Variants in KCNIP4 observed in about 807,000 individuals in gnomAD.
The protein encoded by KCNIP4 is Kv channel-interacting protein 4.
In KCNIP4, 12 loss-of-function variants were observed where a neutral mutation model predicts 34.0. The ratio of observed to expected loss-of-function variants is 0.35; its 90% CI spans 0.23 to 0.57. The LOEUF is 0.57. Among genes scored for constraint, KCNIP4 ranks in the 20% least tolerant of loss-of-function variants. KCNIP4 has a pLI of 0.83. For synonymous variants in KCNIP4, 124 were observed against 102.2 expected, an observed-to-expected ratio of 1.21 and a Z score of -1.29; for missense variants, 238 against 311.7, an observed-to-expected ratio of 0.76 and a Z score of 1.78.
rs555559968 is a variant in KCNIP4, at chr4:21,404,489, T to A, written c.62-521780A>T. ...GCCTTATGATGCCTCTGGATGTAAT[T>A]TAGATTTTGAGTATTTTTTCTATTC... is the stretch of plus-strand genomic sequence containing the variant. On this transcript the variant is annotated intron_variant, in intron 1 of 8. Coordinates refer to ENST00000382152, the MANE Select transcript of KCNIP4 (RefSeq NM_025221.6). 5.3e-5 allele frequency among the ~76,000 whole-genome samples: 8 copies of A among 152,208 alleles called. No individual in the cohort carries two copies. The South Asian group carries it at 1.7e-3, about 32-fold the overall frequency.
At position 21,789,922 on chromosome 4, in the gene KCNIP4, T is replaced by C. The variant is rs146769977; in HGVS notation, c.61+158649A>G. ...CAGTTTGCGTTTGTTTTAAAGGAAA[T>C]TGATTTGAATAGGAACCCAGAACTG... is the stretch of plus-strand genomic sequence containing the variant. On this transcript the variant is annotated intron_variant, in intron 1 of 8. Transcript: ENST00000382152. Among the ~76,000 whole-genome samples, 52 of 152,280 alleles carry C rather than the reference T, an allele frequency of 3.4e-4. 1 individual carries two copies. The East Asian group carries it at 8.5e-3, about 25-fold the overall frequency.
At chr4:21,377,032 T>C (rs999313476) in intron 1 of KCNIP4, among the ~76,000 whole-genome samples, 4 of 152,212 alleles carry the variant, frequency 2.6e-5, no homozygotes, top group Admixed American at 2.0e-4. Flanking sequence ...TTTCTTTATT[T>C]TCAGTAAGGA....
intron 1 of KCNIP4, among the ~76,000 whole-genome samples, chr4:20,898,751 A>G (rs1726835021): frequency 6.6e-6 from 1 of 152,168 alleles, no homozygotes; most frequent in African/African-American, 2.4e-5. Flanking sequence ...ATCTATCTAT[A>G]TTTATGTCTA....
At chr4:21,810,129 G>C (rs184671324) in intron 1 of KCNIP4, among the ~76,000 whole-genome samples, 1 of 152,168 alleles carries the variant, frequency 6.6e-6, no homozygotes, top group East Asian at 1.9e-4. Context: ...AGAGGGGACT[G>C]AGACCAATGG....
At chr4:21,517,122 A>G (rs1205595646) in intron 1 of KCNIP4, among the ~76,000 whole-genome samples, 1 of 152,156 alleles carries the variant, frequency 6.6e-6, no homozygotes, top group East Asian at 1.9e-4. Context: ...CTTCATGAAC[A>G]GCTGAAAAGT....
At chr4:21,218,872 C>T (rs1403554870) in intron 1 of KCNIP4, among the ~76,000 whole-genome samples, 1 of 152,092 alleles carries the variant, frequency 6.6e-6, no homozygotes, top group Admixed American at 6.6e-5. Context: ...GGAGTATTAA[C>T]TCTGGTTTCT....
chr4:21,894,501 T>A lies in KCNIP4; in HGVS notation c.61+54070A>T, dbSNP rs115087164. 6.4e-3 allele frequency among the ~76,000 whole-genome samples: 972 copies of A among 152,238 alleles called. 14 individuals carry two copies. Among genetic ancestry groups the A allele is most frequent in the African/African-American group, 0.022 (918 of 41,564 alleles). Reference sequence around the variant, plus strand: ...ACAAAAATAATAGGTACATCATTTGTGACTCTCTGAGGAAACACAGAGCTT... The same window carrying A: ...ACAAAAATAATAGGTACATCATTTGAGACTCTCTGAGGAAACACAGAGCTT... On this transcript the variant is annotated intron_variant, in intron 1 of 8. Transcript: ENST00000382152.
intron 1 of KCNIP4, among the ~76,000 whole-genome samples, chr4:20,981,984 C>T (rs1736109132): frequency 6.6e-6 from 1 of 152,154 alleles, no homozygotes; most frequent in Non-Finnish European, 1.5e-5. Flanking sequence ...GTCAGGTTTA[C>T]AATTCTAATT....
At chr4:20,920,926 T>A (rs1378691077) in intron 1 of KCNIP4, among the ~76,000 whole-genome samples, 2 of 151,896 alleles carry the variant, frequency 1.3e-5, no homozygotes, top group African/African-American at 2.4e-5. Flanking sequence ...GAGGTGGAGT[T>A]TGCAGTGAGC....
intron 1 of KCNIP4, among the ~76,000 whole-genome samples, chr4:21,120,193 G>A (rs1051905198): frequency 3.0e-5 from 4 of 131,692 alleles, no homozygotes; most frequent in African/African-American, 1.2e-4. Flanking sequence ...AAGTCCTTAC[G>A]AAGAAACAAA....
At chr4:21,642,993 C>T (rs1052539483) in intron 1 of KCNIP4, among the ~76,000 whole-genome samples, 3 of 152,106 alleles carry the variant, frequency 2.0e-5, no homozygotes, top group Admixed American at 2.0e-4. Flanking sequence ...TAAGGTGACC[C>T]TTACCAGATA....
At chr4:21,822,684 G>A (rs1012282572) in intron 1 of KCNIP4, among the ~76,000 whole-genome samples, 2 of 150,134 alleles carry the variant, frequency 1.3e-5, no homozygotes, top group Admixed American at 1.3e-4. Flanking sequence ...GAAAATACAA[G>A]CTTATTACCA....
At chr4:21,432,143 C>A (rs1245200526) in intron 1 of KCNIP4, among the ~76,000 whole-genome samples, 7 of 66,486 alleles carry the variant, frequency 1.1e-4, no homozygotes, top group African/African-American at 3.4e-4. Flanking sequence ...TATATACAAT[C>A]TCCTAGAAGC....
At chr4:21,438,219 G>A (rs1252608320) in intron 1 of KCNIP4, among the ~76,000 whole-genome samples, 2 of 152,118 alleles carry the variant, frequency 1.3e-5, no homozygotes, top group Non-Finnish European at 2.9e-5. Flanking sequence ...GACACGAGAA[G>A]GCCATTTTGG....
chr4:21,356,232 C>G (rs1718579934), intron 1 of KCNIP4, among the ~76,000 whole-genome samples: 1 of 152,106 alleles, frequency 6.6e-6, no homozygotes, highest in South Asian at 2.1e-4. Context: ...TGGGCAAAAA[C>G]TGGAAGCATT....
chr4:21,659,390 T>C (rs1748248236), intron 1 of KCNIP4, among the ~76,000 whole-genome samples: 1 of 152,172 alleles, frequency 6.6e-6, no homozygotes, highest in Non-Finnish European at 1.5e-5. Context: ...ATGCATATTC[T>C]TCAAGTGCAG....
At chr4:21,351,315 G>A (rs1291207627) in intron 1 of KCNIP4, among the ~76,000 whole-genome samples, 1 of 152,078 alleles carries the variant, frequency 6.6e-6, no homozygotes, top group African/African-American at 2.4e-5. Flanking sequence ...TGAATCATGG[G>A]GGATAGATTT....
At chr4:21,006,683 T>A (rs1738584317) in intron 1 of KCNIP4, among the ~76,000 whole-genome samples, 1 of 152,214 alleles carries the variant, frequency 6.6e-6, no homozygotes, top group Non-Finnish European at 1.5e-5. Context: ...AGATGGGAGT[T>A]AAGTTGGTCT....
At chr4:20,910,044 A>T (rs1326141075) in intron 1 of KCNIP4, among the ~76,000 whole-genome samples, 2 of 152,178 alleles carry the variant, frequency 1.3e-5, no homozygotes, top group Non-Finnish European at 2.9e-5. Context: ...CAGTTTTTCG[A>T]TCACTGTAAC....
Sources: gnomAD v4.1 joint callset for allele counts (sites outside exome capture counted in the v4.1 genomes callset) on GRCh38, gnomAD v4.1.1 for gene constraint, MANE v1.5 for transcripts, NCBI Gene and HGNC (gene_info 2026-07-23, HGNC 2026-07-21) for gene names.